Variants in SHISA9 observed in about 807,000 individuals in gnomAD.
SHISA9 encodes protein shisa-9.
In SHISA9, 13 loss-of-function variants were observed where a neutral mutation model predicts 38.0. That is an observed-to-expected ratio of 0.34 (90% CI 0.22 to 0.54). SHISA9 has a LOEUF of 0.54. Among genes scored for constraint, SHISA9 ranks in the 20% least tolerant of loss-of-function variants. SHISA9 has a pLI of 0.91. For synonymous variants in SHISA9, 275 were observed against 242.0 expected, an observed-to-expected ratio of 1.14 and a Z score of -1.27; for missense variants, 538 against 575.8, an observed-to-expected ratio of 0.93 and a Z score of 0.67.
chr16:13,460,095 C>A, the SHISA9 span, among the ~76,000 whole-genome samples: 1 of 152,076 alleles, frequency 6.6e-6, no homozygotes, highest in Non-Finnish European at 1.5e-5. Flanking sequence ...AGTATTATCC[C>A]TAAACATATC....
At chr16:13,528,233 C>G in the SHISA9 span, among the ~76,000 whole-genome samples, 1 of 152,112 alleles carries the variant, frequency 6.6e-6, no homozygotes, top group African/African-American at 2.4e-5. Flanking sequence ...TCATAATCCC[C>G]TCACCTTTCC....
At chr16:13,100,914 T>A (rs1306123256) in intron 2 of SHISA9, among the ~76,000 whole-genome samples, 2 of 152,142 alleles carry the variant, frequency 1.3e-5, no homozygotes, top group Non-Finnish European at 2.9e-5. Context: ...GCCATGTTGG[T>A]CAAACTCCTG....
intron 2 of SHISA9, chr16:13,197,749 A>C (rs182854668): frequency 6.6e-6 from 1 of 152,110 alleles, no homozygotes; most frequent in South Asian, 2.1e-4. Context: ...GGAGGGGGGA[A>C]TTTTCTTGTG....
the SHISA9 span, among the ~76,000 whole-genome samples, chr16:13,338,296 T>G: frequency 6.6e-6 from 1 of 152,174 alleles, no homozygotes; most frequent in Non-Finnish European, 1.5e-5. Context: ...AATCTCTTCT[T>G]TTTGCTTACG....
chr16:13,358,947 T>G, the SHISA9 span, among the ~76,000 whole-genome samples: 1 of 152,180 alleles, frequency 6.6e-6, no homozygotes, highest in Non-Finnish European at 1.5e-5. Context: ...GGTACTGAAC[T>G]TAGCAGATTA....
At chr16:13,126,188 G>A (rs1436440392) in intron 2 of SHISA9, among the ~76,000 whole-genome samples, 1 of 152,156 alleles carries the variant, frequency 6.6e-6, no homozygotes, top group African/African-American at 2.4e-5. Context: ...CAGCAGTTTG[G>A]AGAGGGATGC....
intron 2 of SHISA9, among the ~76,000 whole-genome samples, chr16:12,965,990 T>A (rs2071973104): frequency 6.6e-6 from 1 of 152,252 alleles, no homozygotes; most frequent in Non-Finnish European, 1.5e-5. Flanking sequence ...TGACCTTGGC[T>A]GTAGCATCAT....
intron 2 of SHISA9, among the ~76,000 whole-genome samples, chr16:12,955,633 T>TA (rs5815731): frequency 0.21 from 29,257 of 139,392 alleles, 3,318 homozygotes; most frequent in Middle Eastern, 0.37. Context: ...TTCAACAAAG[T>TA]AAAAAAAAAA....
At chr16:13,472,910 T>A in the SHISA9 span, among the ~76,000 whole-genome samples, 1 of 152,334 alleles carries the variant, frequency 6.6e-6, no homozygotes, top group Admixed American at 6.5e-5. Flanking sequence ...TTGAATACAG[T>A]TATAATAACG....
chr16:13,202,427 C>G lies in SHISA9; in HGVS notation c.692-967C>G, dbSNP rs1156508919. Among the ~76,000 whole-genome samples the G allele has an allele frequency of 1.5e-5, 2 of 134,414 alleles. 1 individual carries two copies. The highest frequency in any genetic ancestry group is 5.9e-5 in the African/African-American group (2 of 34,096). 88.2% of individuals were successfully genotyped at this position (134,414 alleles called of 152,430 possible). On this transcript the variant is annotated intron_variant, in intron 2 of 4. Coordinates refer to ENST00000558583, the MANE Select transcript of SHISA9 (RefSeq NM_001145204.3). ...CCTGAATCTCTCTTTCCTTGAATCT[C>G]ATTTCCCTTCAAGCAGCCAATATTT...
the SHISA9 span, among the ~76,000 whole-genome samples, chr16:13,276,678 C>T: frequency 6.6e-6 from 1 of 152,020 alleles, no homozygotes; most frequent in African/African-American, 2.4e-5. Context: ...TGATTTTGAA[C>T]ATTTTTTCAT....
chr16:13,004,962 A>AAG (rs1555453909), intron 2 of SHISA9, among the ~76,000 whole-genome samples: 1 of 127,636 alleles, frequency 7.8e-6, no homozygotes, highest in Non-Finnish European at 1.6e-5. Flanking sequence ...AAAAAAAGAA[A>AAG]AAAAGAAAGA....
chr16:13,294,143 T>G, the SHISA9 span, among the ~76,000 whole-genome samples: 1 of 152,182 alleles, frequency 6.6e-6, no homozygotes, highest in Admixed American at 6.5e-5. Context: ...GCTTGGTCAT[T>G]GGATTATGCT....
the SHISA9 span, among the ~76,000 whole-genome samples, chr16:13,255,231 A>G: frequency 3.3e-5 from 5 of 150,132 alleles, no homozygotes; most frequent in East Asian, 2.0e-4. Context: ...CTCTCCCTCA[A>G]TTCTTCCCCT....
At chr16:12,915,188 C>A (rs145946155) in intron 1 of SHISA9, among the ~76,000 whole-genome samples, 1 of 152,136 alleles carries the variant, frequency 6.6e-6, no homozygotes, top group Non-Finnish European at 1.5e-5. Context: ...TGGCCAGCTG[C>A]GGTGGCTCGT....
chr16:13,286,599 T>C, the SHISA9 span, among the ~76,000 whole-genome samples: 1 of 152,172 alleles, frequency 6.6e-6, no homozygotes, highest in Non-Finnish European at 1.5e-5. Context: ...GGAAAAAAAG[T>C]AACAAGAAGA....
the SHISA9 span, chr16:13,474,375 C>T: frequency 3.3e-5 from 5 of 152,100 alleles, no homozygotes; most frequent in Admixed American, 6.5e-5. Context: ...AAGTAATATA[C>T]GATTTAAGAA....
intron 2 of SHISA9, among the ~76,000 whole-genome samples, chr16:13,150,151 C>T (rs1408353415): frequency 1.3e-5 from 2 of 151,492 alleles, no homozygotes; most frequent in Non-Finnish European, 2.9e-5. Flanking sequence ...CCTTTGAATG[C>T]AGCCTGTTCC....
the SHISA9 span, among the ~76,000 whole-genome samples, chr16:13,472,377 A>ATTTTTTTTTTTTTTTTTTTTTTTTT: frequency 1.8e-5 from 1 of 55,416 alleles, no homozygotes. Context: ...GCTCTGCTAA[A>ATTTTTTTTTTTTTTTTTTTTTTTTT]TTTTTTTTTT....
Sources: gnomAD v4.1 joint callset for allele counts (sites outside exome capture counted in the v4.1 genomes callset) on GRCh38, gnomAD v4.1.1 for gene constraint, MANE v1.5 for transcripts, NCBI Gene and HGNC (gene_info 2026-07-23, HGNC 2026-07-21) for gene names.